Variants in DNAH2 observed in about 807,000 individuals in gnomAD.
The protein encoded by DNAH2 is dynein axonemal heavy chain 2, also known as axonemal beta dynein heavy chain 2.
A neutral mutation model predicts 523.5 loss-of-function variants in DNAH2; 323 were observed. The observed-to-expected ratio is 0.62, with a 90% CI of 0.56 to 0.68. The LOEUF is 0.68. Among genes scored for constraint, DNAH2 ranks in the 30% least tolerant of loss-of-function variants. The pLI is 0.00. For missense variants in DNAH2, 4,907 were observed against 5,701.5 expected, an observed-to-expected ratio of 0.86 and a Z score of 4.49; for synonymous variants, 2,093 against 2,177.4, an observed-to-expected ratio of 0.96 and a Z score of 1.08.
chr17:7,783,201 C>G (rs2076647345), intron 39 of DNAH2, among the ~76,000 whole-genome samples: 1 of 152,136 alleles, frequency 6.6e-6, no homozygotes, highest in Admixed American at 6.5e-5. Flanking sequence ...CCTCAGCCTC[C>G]CGAGTAGCTA....
In DNAH2 at chr17:7,818,787, G is replaced by T. The variant is rs748757782; in HGVS notation, c.10670+11G>T. 6.2e-7 allele frequency: 1 copy of T among 1,613,942 alleles called. No homozygotes were observed. The highest frequency in any genetic ancestry group is 8.5e-7 in the Non-Finnish European group (1 of 1,179,916). On this transcript the variant is annotated intron_variant, in intron 70 of 85. Coordinates refer to ENST00000572933, the MANE Select transcript of DNAH2 (RefSeq NM_020877.5). Reference sequence around the variant, plus strand: ...GGATGAGATCCTGCGGTGAGGCCCTGCCTTCCCCTCCCACTGCCCCACGGG... The same window carrying T: ...GGATGAGATCCTGCGGTGAGGCCCTTCCTTCCCCTCCCACTGCCCCACGGG...
rs747680999 is a variant in DNAH2, at chr17:7,832,657, A to G, written c.12805A>G (p.Ser4269Gly). Residue 4269 changes from serine (S) to glycine (G), a missense_variant, in exon 83 of 86, where the codon AGC becomes GGC. Ser to Gly is a moderately conservative substitution (Grantham distance 56, BLOSUM62 0). Coordinates refer to ENST00000572933, the MANE Select transcript of DNAH2 (RefSeq NM_020877.5). The surrounding 1 kb of genome is among the most constrained non-coding windows in gnomAD (Gnocchi z 4.3). ...TGTGGAGCAGTTTGAGCTGTGGGCC[A>G]GCCGGGCCCGGCCTCCTGTGATCTT... is the stretch of plus-strand genomic sequence containing the variant. Reference protein sequence around the residue: ...MRVEQFELWASRARPPVIFWL... With the variant: ...MRVEQFELWAGRARPPVIFWL... The G allele has an allele frequency of 5.0e-6, 8 of 1,614,116 alleles. No individual in the cohort carries two copies. Among genetic ancestry groups the G allele is most frequent in the Non-Finnish European group, 4.2e-6 (5 of 1,180,022 alleles).
At chr17:7,761,592 C>A (rs1046746348) in intron 18 of DNAH2, among the ~76,000 whole-genome samples, 5 of 151,492 alleles carry the variant, frequency 3.3e-5, no homozygotes, top group African/African-American at 1.2e-4. Context: ...TCAAGCAATT[C>A]TCCTGCCTCA....
In DNAH2 at chr17:7,740,878, G is replaced by T. The variant is rs781064291; in HGVS notation, c.1575G>T (p.Leu525=). ...TGCTGTTCAATAGCGAGCTGGCCCT[G>T]GTGAACCGTGAACGGAACAAGAAAT... ...LYMLFNSELA[L]VNRERNKKWP... Residue 525 remains leucine (L), a synonymous_variant, in exon 11 of 86, where the codon CTG becomes CTT. Coordinates refer to ENST00000572933, the MANE Select transcript of DNAH2 (RefSeq NM_020877.5). The T allele has an allele frequency of 6.2e-7, 1 of 1,613,952 alleles. No homozygotes were observed. Among genetic ancestry groups the T allele is most frequent in the Non-Finnish European group, 8.5e-7 (1 of 1,179,928 alleles).
intron 59 of DNAH2, among the ~76,000 whole-genome samples, 180 bp from the exon 60 acceptor site, chr17:7,804,778 G>A (rs9889268): frequency 0.54 from 81,622 of 151,616 alleles, 23,579 homozygotes; most frequent in Admixed American, 0.63. Context: ...CCCTGGGGGC[G>A]GAGGTTGCAG....
At chr17:7,763,091 T>C (rs1007810363) in intron 18 of DNAH2, among the ~76,000 whole-genome samples, 34 of 152,014 alleles carry the variant, frequency 2.2e-4, no homozygotes, top group African/African-American at 8.0e-4. Flanking sequence ...TTCTTCTGCC[T>C]CAGCCTCCCC....
intron 49 of DNAH2, among the ~76,000 whole-genome samples, chr17:7,795,769 G>A (rs1360030855): frequency 2.7e-5 from 4 of 147,706 alleles, no homozygotes; most frequent in Non-Finnish European, 6.0e-5. Flanking sequence ...GGCCAAAGCA[G>A]GTGGATCACC....
At position 7,754,760 on chromosome 17, in the gene DNAH2, C is replaced by T. The variant is rs2075789115; in HGVS notation, c.1905-2331C>T. On this transcript the variant is annotated intron_variant, in intron 12 of 85. Coordinates refer to ENST00000572933, the MANE Select transcript of DNAH2 (RefSeq NM_020877.5). This position sits in a 1 kb window ranked among gnomAD's most constrained non-coding sequence, Gnocchi z 4.6. Reference sequence around the variant, plus strand: ...GGCTGTGCCGGCCCAAGGCCAAGGCCAAGGATCAAACCAAGGCCCAGGCTG... The same window carrying T: ...GGCTGTGCCGGCCCAAGGCCAAGGCTAAGGATCAAACCAAGGCCCAGGCTG... 1 of 981,064 alleles carries T rather than the reference C, an allele frequency of 1.0e-6. No homozygotes were observed. Among genetic ancestry groups the T allele is most frequent in the Non-Finnish European group, 1.6e-6 (1 of 622,276 alleles). 60.8% of individuals were successfully genotyped at this position (981,064 alleles called of 1,614,324 possible). A position where few individuals can be genotyped will look rare whatever the true frequency, so the allele number is the denominator to read the frequency against.
chr17:7,766,130 C>A (rs1188657838), intron 21 of DNAH2, among the ~76,000 whole-genome samples, 188 bp from the exon 22 acceptor site: 1 of 152,150 alleles, frequency 6.6e-6, no homozygotes. Flanking sequence ...TCCTGACTCT[C>A]AAGCCACATT....
intron 59 of DNAH2, 83 bp from the exon 60 acceptor site, chr17:7,804,875 C>A: frequency 8.1e-7 from 1 of 1,236,724 alleles, no homozygotes; most frequent in South Asian, 1.4e-5. Flanking sequence ...TTAGCTTTCT[C>A]TTTCATCTTT....
At chr17:7,743,633 T>A in intron 12 of DNAH2, 1 of 408,746 alleles carries the variant, frequency 2.4e-6, no homozygotes, top group Non-Finnish European at 4.4e-6. Flanking sequence ...ACCACTACAC[T>A]CCAGCCTGGG....
intron 22 of DNAH2, 140 bp from the exon 23 acceptor site, chr17:7,767,760 G>GAA (rs2151214847): frequency 9.1e-7 from 1 of 1,102,514 alleles, no homozygotes. Context: ...ACAGAGTGGA[G>GAA]AAAAATATGT....
rs774798121 is a variant in DNAH2 at position 7,833,738 on chromosome 17, A to G, written c.*205A>G. 7 of 727,766 alleles carry G rather than the reference A, an allele frequency of 9.6e-6. No individual in the cohort carries two copies. In the South Asian group the frequency reaches 1.0e-4, roughly 11 times the overall value. 45.1% of individuals were successfully genotyped at this position (727,766 alleles called of 1,614,324 possible). Reference sequence around the variant, plus strand: ...CTCAGTGCTGTAAAACACCCGCGACAACAAGCCTTAAGTCTCTCAATGCAA... The same window carrying G: ...CTCAGTGCTGTAAAACACCCGCGACGACAAGCCTTAAGTCTCTCAATGCAA... On this transcript the variant is annotated 3_prime_UTR_variant, in exon 86 of 86. Coordinates refer to ENST00000572933, the MANE Select transcript of DNAH2 (RefSeq NM_020877.5).
At chr17:7,775,030 G>T (rs2076410840) in intron 29 of DNAH2, 54 bp downstream of exon 29, 2 of 1,574,724 alleles carry the variant, frequency 1.3e-6, no homozygotes, top group Admixed American at 1.7e-5. Context: ...GGGTGTTGGG[G>T]TATGAAAAGC....
In DNAH2 at chr17:7,794,102, A is replaced by G; in HGVS notation, c.7570-152A>G. On this transcript the variant is annotated intron_variant, in intron 48 of 85. Transcript: ENST00000572933. ...TCCCCTCCCCCTGCCCTACCACTCC[A>G]TGTTCCTCTCAACTCGCTGCATCCC... The G allele has an allele frequency of 9.8e-6, 5 of 509,068 alleles. No individual in the cohort carries two copies. The South Asian group carries it at 1.2e-4, about 13-fold the overall frequency. 31.5% of individuals were successfully genotyped at this position (509,068 alleles called of 1,614,324 possible).
intron 44 of DNAH2, among the ~76,000 whole-genome samples, chr17:7,789,583 T>TA: frequency 6.6e-6 from 1 of 151,408 alleles, no homozygotes; most frequent in Admixed American, 6.6e-5. Flanking sequence ...AATACTCTTT[T>TA]TTTTTTTTTT....
At chr17:7,792,946 G>C (rs1464318271) in intron 47 of DNAH2, 35 bp from the exon 48 acceptor site, 2 of 1,600,888 alleles carry the variant, frequency 1.2e-6, no homozygotes, top group Admixed American at 3.3e-5. Flanking sequence ...TTTCTCTCAG[G>C]GGACCCACAC....
Position 7,786,148 on chromosome 17 carries a change from A to C in DNAH2, c.6154A>C (p.Ile2052Leu). ...GCTGCGGGAGACCGTTGAGCAGGAG[A>C]TTCGAGACATGGGCCTGCAAAGCAC... ...GKLRETVEQE[I>L]RDMGLQSTPF... The change falls in exon 40 of 86, where the codon ATT becomes CTT. Residue 2052 changes from isoleucine to leucine, a missense_variant. Coordinates refer to ENST00000572933, the MANE Select transcript of DNAH2 (RefSeq NM_020877.5). This position sits in a 1 kb window ranked among gnomAD's most constrained non-coding sequence, Gnocchi z 7.5. The C allele has an allele frequency of 6.2e-7, 1 of 1,613,650 alleles. No individual in the cohort carries two copies. The highest frequency in any genetic ancestry group is 2.2e-5 in the East Asian group (1 of 44,862).
intron 58 of DNAH2, among the ~76,000 whole-genome samples, chr17:7,803,303 T>A (rs1172767675): frequency 6.6e-6 from 1 of 152,182 alleles, no homozygotes; most frequent in Non-Finnish European, 1.5e-5. Flanking sequence ...TTCAGTTAAT[T>A]TGCTAGAGTG....
Sources: gnomAD v4.1 joint callset for allele counts (sites outside exome capture counted in the v4.1 genomes callset) on GRCh38, gnomAD v4.1.1 for gene constraint, Gnocchi (gnomAD v3.1) non-coding constraint, MANE v1.5 for transcripts, NCBI Gene and HGNC (gene_info 2026-07-23, HGNC 2026-07-21) for gene names.